The following MYRIP variants were observed in gnomAD, a reference collection of about 807,000 sequenced individuals.
The protein encoded by MYRIP is rab effector MyRIP.
MYRIP carries 49 observed loss-of-function variants against 98.0 expected under a neutral mutation model. The ratio of observed to expected loss-of-function variants is 0.50; its 90% CI spans 0.40 to 0.63. The LOEUF (loss-of-function observed/expected upper bound fraction) is 0.63, where lower values mean the gene tolerates loss of function less well. MYRIP is among the 30% of genes least tolerant of loss of function. The pLI, the probability that MYRIP is intolerant of heterozygous loss-of-function variation, is 0.00. For missense variants in MYRIP, 1,004 were observed against 1,058.2 expected, an observed-to-expected ratio of 0.95 and a Z score of 0.71; for synonymous variants, 404 against 409.5, an observed-to-expected ratio of 0.99 and a Z score of 0.16.
Position 40,080,346 on chromosome 3 carries a change from A to G in MYRIP, c.332+36075A>G, listed in dbSNP as rs531056372. ...TTAATATTTTTGTACCTATGTTCAC[A>G]GGTGAGATTGACCTATAATTTTCAA... On this transcript the variant is annotated intron_variant, in intron 3 of 16. Coordinates refer to ENST00000302541, the MANE Select transcript of MYRIP (RefSeq NM_015460.4). Among the ~76,000 whole-genome samples, 12 of 152,240 alleles carry G rather than the reference A, an allele frequency of 7.9e-5. No homozygotes were observed. The East Asian group carries it at 2.3e-3, about 29-fold the overall frequency.
Position 40,196,034 on chromosome 3 carries a change from G to A in MYRIP, c.1665+5571G>A, listed in dbSNP as rs143469939. ...ATATTATACCTAATATTCTCATCACGTTTTAAAAAAAATTTCTCTGCACTA... is the reference window on the plus strand; with the variant it reads ...ATATTATACCTAATATTCTCATCACATTTTAAAAAAAATTTCTCTGCACTA... On this transcript the variant is annotated intron_variant, in intron 10 of 16. Coordinates refer to ENST00000302541, the MANE Select transcript of MYRIP (RefSeq NM_015460.4). Among the ~76,000 whole-genome samples the A allele has an allele frequency of 8.0e-4, 122 of 151,746 alleles. No individual in the cohort carries two copies. In the East Asian group the frequency reaches 0.016, roughly 19 times the overall value.
At position 40,259,194 on chromosome 3, in the gene MYRIP, T is replaced by A. The variant is rs1953694887; in HGVS notation, c.*1028T>A. ...AAAATTCAAGGACAAACTGTGCATT[T>A]AATGGACACAAGAATTGACTCTAAC... On this transcript the variant is annotated 3_prime_UTR_variant, in exon 17 of 17. Transcript: ENST00000302541. 6.6e-6 allele frequency: 1 copy of A among 152,238 alleles called. No homozygotes were observed. 9.4% of individuals were successfully genotyped at this position (152,238 alleles called of 1,614,324 possible). A position where few individuals can be genotyped will look rare whatever the true frequency, so the allele number is the denominator to read the frequency against.
At chr3:39,835,359 C>A (rs1483215643) in intron 1 of MYRIP, among the ~76,000 whole-genome samples, 3 of 138,832 alleles carry the variant, frequency 2.2e-5, no homozygotes, top group Non-Finnish European at 4.6e-5. Flanking sequence ...TTGCTGGGGG[C>A]GGGGGGTGTG....
chr3:39,853,693 A>G (rs1575307693), intron 1 of MYRIP, among the ~76,000 whole-genome samples: 1 of 151,874 alleles, frequency 6.6e-6, no homozygotes, highest in Non-Finnish European at 1.5e-5. Flanking sequence ...ATTTTCTCCC[A>G]TTCTGTGGGT....
chr3:40,223,154 T>C (rs1035595676), intron 11 of MYRIP, among the ~76,000 whole-genome samples: 2 of 152,252 alleles, frequency 1.3e-5, no homozygotes, highest in Non-Finnish European at 2.9e-5. Context: ...AGATGAATTC[T>C]TCCAAAATTA....
chr3:40,123,789 C>T (rs1278117758), intron 3 of MYRIP, among the ~76,000 whole-genome samples: 1 of 152,172 alleles, frequency 6.6e-6, no homozygotes, highest in Non-Finnish European at 1.5e-5. Flanking sequence ...GGGGAATCCT[C>T]ATTTGCTAGG....
At chr3:40,217,165 A>T (rs1429741145) in intron 11 of MYRIP, among the ~76,000 whole-genome samples, 1 of 152,194 alleles carries the variant, frequency 6.6e-6, no homozygotes, top group Non-Finnish European at 1.5e-5. Flanking sequence ...TGACAATAAA[A>T]TCCATCAAAC....
chr3:40,153,437 T>C (rs1950159279), intron 4 of MYRIP, among the ~76,000 whole-genome samples: 1 of 152,198 alleles, frequency 6.6e-6, no homozygotes, highest in Non-Finnish European at 1.5e-5. Flanking sequence ...CCAATACCCT[T>C]TGTAGGTTTG....
chr3:40,198,138 T>C (rs1951450587), intron 10 of MYRIP, among the ~76,000 whole-genome samples: 1 of 152,132 alleles, frequency 6.6e-6, no homozygotes, highest in Non-Finnish European at 1.5e-5. Context: ...CATGGTACCA[T>C]GGCTAGTTCT....
At chr3:40,189,457 G>C (rs1022191726) in intron 9 of MYRIP, among the ~76,000 whole-genome samples, 3 of 152,168 alleles carry the variant, frequency 2.0e-5, no homozygotes, top group African/African-American at 7.2e-5. Flanking sequence ...TGTAGCCCAA[G>C]GTCAAAGAGC....
At chr3:40,167,907 C>G (rs998362027) in intron 7 of MYRIP, among the ~76,000 whole-genome samples, 1 of 152,196 alleles carries the variant, frequency 6.6e-6, no homozygotes, top group African/African-American at 2.4e-5. Flanking sequence ...CTTCCATGCT[C>G]TCTCTGTGAA....
intron 3 of MYRIP, among the ~76,000 whole-genome samples, chr3:40,059,867 C>T (rs1947971192): frequency 6.6e-6 from 1 of 152,128 alleles, no homozygotes; most frequent in African/African-American, 2.4e-5. Flanking sequence ...ACTCCAAACC[C>T]ACTAAGAGGA....
At chr3:40,016,020 C>T (rs1259508826) in intron 2 of MYRIP, among the ~76,000 whole-genome samples, 1 of 151,952 alleles carries the variant, frequency 6.6e-6, no homozygotes, top group Admixed American at 6.6e-5. Flanking sequence ...TGGCCATGCC[C>T]TCCTTGAAGA....
chr3:40,012,737 C>A (rs891554427), intron 2 of MYRIP, among the ~76,000 whole-genome samples: 2 of 152,154 alleles, frequency 1.3e-5, no homozygotes, highest in Admixed American at 1.3e-4. Flanking sequence ...CTCATCTCAT[C>A]TTTTCCTGCC....
intron 11 of MYRIP, among the ~76,000 whole-genome samples, chr3:40,216,675 A>C (rs1952129968): frequency 1.3e-5 from 2 of 152,202 alleles, no homozygotes; most frequent in East Asian, 1.9e-4. Context: ...AACTGATGCC[A>C]AAATGTCTTT....
chr3:40,046,831 A>C (rs1947679366), intron 3 of MYRIP, among the ~76,000 whole-genome samples: 1 of 152,094 alleles, frequency 6.6e-6, no homozygotes, highest in Non-Finnish European at 1.5e-5. Context: ...CACAAATAAA[A>C]GGAAGTATCA....
At chr3:40,159,950 G>T (rs1011440005) in intron 4 of MYRIP, among the ~76,000 whole-genome samples, 1 of 152,148 alleles carries the variant, frequency 6.6e-6, no homozygotes, top group African/African-American at 2.4e-5. Flanking sequence ...ATGTCCTCCT[G>T]TAGTTCGGAG....
intron 1 of MYRIP, among the ~76,000 whole-genome samples, chr3:39,867,295 G>A (rs529225962): frequency 6.6e-6 from 1 of 152,004 alleles, no homozygotes; most frequent in East Asian, 1.9e-4. Flanking sequence ...AAAAGCACAA[G>A]CAACAAAAAA....
intron 2 of MYRIP, among the ~76,000 whole-genome samples, chr3:40,017,183 T>G (rs1263817514): frequency 6.6e-6 from 1 of 152,194 alleles, no homozygotes; most frequent in East Asian, 1.9e-4. Flanking sequence ...TCTCCTGCAC[T>G]CCCACTTCCT....
Sources: gnomAD v4.1 joint callset for allele counts (sites outside exome capture counted in the v4.1 genomes callset) on GRCh38, gnomAD v4.1.1 for gene constraint, MANE v1.5 for transcripts, NCBI Gene and HGNC (gene_info 2026-07-23, HGNC 2026-07-21) for gene names.